Variants in ABLIM1 observed in about 807,000 individuals in gnomAD.
ABLIM1 encodes actin-binding LIM protein 1.
In ABLIM1, 40 loss-of-function variants were observed where a neutral mutation model predicts 107.0. That is an observed-to-expected ratio of 0.37 (90% CI 0.29 to 0.49). The LOEUF (loss-of-function observed/expected upper bound fraction) is 0.49, where lower values mean the gene tolerates loss of function less well. Ranked by LOEUF, ABLIM1 falls within the 20% of genes least tolerant of loss-of-function variation. ABLIM1 has a pLI of 0.97. For missense variants in ABLIM1, 857 were observed against 1,008.5 expected (o/e 0.85, Z 2.04); for synonymous variants, 357 against 357.3 (o/e 1.00, Z 0.01).
the ABLIM1 span, among the ~76,000 whole-genome samples, chr10:114,793,570 T>G: frequency 6.6e-6 from 1 of 152,212 alleles, no homozygotes; most frequent in African/African-American, 2.4e-5. Context: ...TGCAGCATAA[T>G]TGACAGTGGC....
chr10:114,743,783 T>C (rs971474401), intron 1 of ABLIM1, among the ~76,000 whole-genome samples: 4 of 152,164 alleles, frequency 2.6e-5, no homozygotes, highest in African/African-American at 4.8e-5. Context: ...AGGGTTGATA[T>C]GCAGGGGAGA....
chr10:114,506,210 G>A (rs2061117282), intron 6 of ABLIM1, among the ~76,000 whole-genome samples: 1 of 152,236 alleles, frequency 6.6e-6, no homozygotes, highest in Non-Finnish European at 1.5e-5. Flanking sequence ...GTTTTTGGCT[G>A]TGTAGTATTC....
intron 1 of ABLIM1, among the ~76,000 whole-genome samples, chr10:114,736,298 A>C (rs1009057387): frequency 6.6e-6 from 1 of 152,186 alleles, no homozygotes; most frequent in Non-Finnish European, 1.5e-5. Flanking sequence ...CATAAATAAG[A>C]ATGTAATAAA....
chr10:114,634,151 G>A (rs1483068836), intron 1 of ABLIM1, among the ~76,000 whole-genome samples: 1 of 4,204 alleles, frequency 2.4e-4, no homozygotes, highest in Non-Finnish European at 5.1e-4. Flanking sequence ...TTTTTTTTTT[G>A]AGACGGAGTC....
At chr10:114,545,212 T>C (rs2483595) in intron 5 of ABLIM1, 114 bp from the exon 6 acceptor site, 665,355 of 908,380 alleles carry the variant, frequency 0.73, 245,859 homozygotes, top group African/African-American at 0.92. Flanking sequence ...ATTTCTCCCC[T>C]GCCCAGTGTT....
chr10:114,796,251 C>T, the ABLIM1 span, among the ~76,000 whole-genome samples: 5 of 152,256 alleles, frequency 3.3e-5, no homozygotes, highest in African/African-American at 4.8e-5. Context: ...TCAGGAGTGG[C>T]GTAACAGGTC....
intron 12 of ABLIM1, among the ~76,000 whole-genome samples, chr10:114,464,747 G>GT (rs1198678421): frequency 9.9e-5 from 15 of 152,268 alleles, no homozygotes; most frequent in Admixed American, 9.2e-4. Context: ...TTATCATCCT[G>GT]TTAATTCTTT....
Position 114,670,179 on chromosome 10 carries a change from T to C in ABLIM1, c.64+14111A>G, listed in dbSNP as rs542990854. Among the ~76,000 whole-genome samples the C allele has an allele frequency of 5.9e-5, 9 of 152,204 alleles. No homozygotes were observed. The South Asian group carries it at 1.9e-3, about 32-fold the overall frequency. On this transcript the variant is annotated intron_variant, in intron 1 of 23. Coordinates refer to the ABLIM1 transcript ENST00000369256. ...AACATCACACAAGGTTCCTTGACCA[T>C]CCCCCATTCCTGCTTTCATTCATAT...
At chr10:114,677,589 A>C (rs1488833735) in intron 1 of ABLIM1, among the ~76,000 whole-genome samples, 3 of 152,112 alleles carry the variant, frequency 2.0e-5, no homozygotes, top group Non-Finnish European at 4.4e-5. Flanking sequence ...CCTGGCCAAC[A>C]TGGTAAAACC....
intron 22 of ABLIM1, 50 bp downstream of exon 22, chr10:114,437,794 G>T: frequency 6.9e-7 from 1 of 1,451,746 alleles, no homozygotes; most frequent in East Asian, 2.3e-5. Context: ...AGAGTTGGGG[G>T]AGTGCATAGG....
At chr10:114,631,840 C>T in intron 1 of ABLIM1, 1 of 1,295,892 alleles carries the variant, frequency 7.7e-7, no homozygotes, top group South Asian at 1.3e-5. Flanking sequence ...GTTAGGTGGC[C>T]GAGCCCTGCG....
At chr10:114,631,846 C>T in intron 1 of ABLIM1, 1 of 1,299,706 alleles carries the variant, frequency 7.7e-7, no homozygotes, top group South Asian at 1.2e-5. Flanking sequence ...TGGCCGAGCC[C>T]TGCGGTGCCA....
chr10:114,738,204 G>A (rs1458222086), intron 1 of ABLIM1, among the ~76,000 whole-genome samples: 4 of 151,966 alleles, frequency 2.6e-5, no homozygotes, highest in East Asian at 1.9e-4. Context: ...ACGTGCCACC[G>A]TGTCTGACTA....
intron 1 of ABLIM1, among the ~76,000 whole-genome samples, chr10:114,628,562 C>T (rs1001441014): frequency 1.2e-4 from 18 of 152,294 alleles, no homozygotes; most frequent in African/African-American, 4.3e-4. Context: ...TTCACTGGGT[C>T]CCGCTCTATC....
chr10:114,469,423 T>C (rs2066006423), intron 10 of ABLIM1, among the ~76,000 whole-genome samples: 1 of 152,168 alleles, frequency 6.6e-6, no homozygotes, highest in Non-Finnish European at 1.5e-5. Context: ...CAGGCCAAGC[T>C]TTCTGTCACC....
chr10:114,730,397 CAAAA>C (rs59713925), intron 1 of ABLIM1, among the ~76,000 whole-genome samples: 2 of 73,134 alleles, frequency 2.7e-5, no homozygotes, highest in Non-Finnish European at 2.8e-5. Flanking sequence ...AACTCCATCT[CAAAA>C]AAAAAAAAAA....
chr10:114,669,073 T>C (rs1158038879), intron 1 of ABLIM1, among the ~76,000 whole-genome samples: 1 of 152,238 alleles, frequency 6.6e-6, no homozygotes, highest in Non-Finnish European at 1.5e-5. Context: ...ATCTTTCATT[T>C]AGGTTATCTT....
At position 114,619,562 on chromosome 10, in the gene ABLIM1, G is replaced by A. The variant is rs1213813813; in HGVS notation, c.245-17601C>T. Among the ~76,000 whole-genome samples, 1 of 152,098 alleles carries A rather than the reference G, an allele frequency of 6.6e-6. No individual in the cohort carries two copies. The highest frequency in any genetic ancestry group is 2.4e-5 in the African/African-American group (1 of 41,396). On this transcript the variant is annotated intron_variant, in intron 1 of 22. Coordinates refer to ENST00000533213, the MANE Select transcript of ABLIM1 (RefSeq NM_002313.7). This position sits in a 1 kb window ranked among gnomAD's most constrained non-coding sequence, Gnocchi z 4.1. ...AAATGAATGCTATCCAGCATGTAAT[G>A]CTCGACAATGTAGATGAACAGCTGG...
chr10:114,446,767 G>C (rs1210662841), intron 15 of ABLIM1, among the ~76,000 whole-genome samples: 1 of 152,120 alleles, frequency 6.6e-6, no homozygotes, highest in African/African-American at 2.4e-5. Flanking sequence ...TTCCTGAAGG[G>C]CATGGATTGG....
Sources: allele counts gnomAD v4.1 joint callset (sites outside exome capture counted in the v4.1 genomes callset), GRCh38; gene constraint gnomAD v4.1.1; non-coding constraint Gnocchi (gnomAD v3.1); transcripts MANE v1.5; gene names NCBI Gene and HGNC (gene_info 2026-07-23, HGNC 2026-07-21).